ZMYND8: variants seen among roughly 807,000 people sequenced by gnomAD.
ZMYND8 encodes the protein MYND-type zinc finger-containing chromatin reader ZMYND8.
In ZMYND8, 37 loss-of-function variants were observed where a neutral mutation model predicts 140.8. The observed-to-expected ratio is 0.26, with a 90% CI of 0.20 to 0.35. The LOEUF is 0.35. Ranked by LOEUF, ZMYND8 falls within the 10% of genes least tolerant of loss-of-function variation. ZMYND8 has a pLI of 1.00. For missense variants in ZMYND8, 1,068 were observed against 1,570.0 expected (o/e 0.68, Z 5.40); for synonymous variants, 592 against 597.1 (o/e 0.99, Z 0.12).
At chr20:47,265,530 T>C (rs999355212) in intron 11 of ZMYND8, among the ~76,000 whole-genome samples, 1 of 152,234 alleles carries the variant, frequency 6.6e-6, no homozygotes. Flanking sequence ...AACCTCTGCC[T>C]GCCAGGTTCA....
chr20:47,227,323 C>G, intron 17 of ZMYND8, 42 bp from the exon 18 acceptor site: 2 of 1,599,136 alleles, frequency 1.3e-6, no homozygotes, highest in South Asian at 2.2e-5. Context: ...CTGTCTCATG[C>G]AGTTCACCAG....
intron 19 of ZMYND8, among the ~76,000 whole-genome samples, chr20:47,223,000 C>T (rs918859842): frequency 6.6e-6 from 1 of 152,222 alleles, no homozygotes; most frequent in Non-Finnish European, 1.5e-5. Flanking sequence ...AAAATATTCA[C>T]TCTCGCCCTT....
intron 2 of ZMYND8, among the ~76,000 whole-genome samples, chr20:47,346,842 G>A (rs866649374): frequency 6.6e-6 from 1 of 152,152 alleles, no homozygotes; most frequent in South Asian, 2.1e-4. Context: ...GCCTGACCTC[G>A]TGATGGTCCG....
intron 4 of ZMYND8, among the ~76,000 whole-genome samples, chr20:47,296,386 A>G (rs940912398): frequency 4.6e-5 from 7 of 152,160 alleles, no homozygotes; most frequent in Non-Finnish European, 1.0e-4. Context: ...CCCAGGGGCA[A>G]ATCAGCTGGG....
At chr20:47,353,361 GTTTC>G (rs2082955123) in intron 1 of ZMYND8, 1 of 152,196 alleles carries the variant, frequency 6.6e-6, no homozygotes, top group African/African-American at 2.4e-5. Flanking sequence ...GCCCCCAATT[GTTTC>G]TTTCTGACTC....
At chr20:47,274,756 A>G (rs1030080423) in intron 11 of ZMYND8, among the ~76,000 whole-genome samples, 5 of 152,196 alleles carry the variant, frequency 3.3e-5, no homozygotes, top group Admixed American at 1.3e-4. Context: ...ACCAAAAGCC[A>G]CAGGCTCTCT....
At chr20:47,279,658 C>T (rs2076481294) in intron 10 of ZMYND8, among the ~76,000 whole-genome samples, 1 of 152,006 alleles carries the variant, frequency 6.6e-6, no homozygotes, top group Admixed American at 6.6e-5. Context: ...ACTCTCTGAC[C>T]TTAAGTTTTC....
intron 12 of ZMYND8, among the ~76,000 whole-genome samples, chr20:47,260,188 G>A (rs1348785223): frequency 1.3e-5 from 2 of 151,994 alleles, no homozygotes; most frequent in Admixed American, 6.5e-5. Context: ...CCAACCCCAG[G>A]TGTGACAACC....
At chr20:47,260,946 G>A (rs2075109052) in intron 12 of ZMYND8, among the ~76,000 whole-genome samples, 1 of 152,218 alleles carries the variant, frequency 6.6e-6, no homozygotes, top group Non-Finnish European at 1.5e-5. Flanking sequence ...CAGCAGCCGG[G>A]CACAGTGGCT....
intron 3 of ZMYND8, among the ~76,000 whole-genome samples, chr20:47,301,217 T>C (rs1601723467): frequency 6.7e-6 from 1 of 150,282 alleles, no homozygotes; most frequent in African/African-American, 2.5e-5. Context: ...TGCAATGGCG[T>C]GATCTCGGCT....
intron 2 of ZMYND8, among the ~76,000 whole-genome samples, chr20:47,329,525 C>T (rs984363698): frequency 6.6e-6 from 1 of 152,162 alleles, no homozygotes; most frequent in Non-Finnish European, 1.5e-5. Context: ...CAGCCTCATC[C>T]TCCTGAGTAG....
chr20:47,270,240 A>G (rs2075826486), intron 11 of ZMYND8, among the ~76,000 whole-genome samples: 1 of 141,278 alleles, frequency 7.1e-6, no homozygotes, highest in African/African-American at 2.6e-5. Flanking sequence ...CCTGTCTCTT[A>G]AAAAAAAAAA....
chr20:47,317,757 T>C (rs1469869569), intron 2 of ZMYND8, among the ~76,000 whole-genome samples: 1 of 152,124 alleles, frequency 6.6e-6, no homozygotes, highest in African/African-American at 2.4e-5. Context: ...AGAGGCAGGA[T>C]GCCACAGTGG....
In ZMYND8 at chr20:47,238,918, C is replaced by G. The variant is rs770320871; in HGVS notation, c.2505G>C (p.Gln835His). 1 of 1,614,182 alleles carries G rather than the reference C, an allele frequency of 6.2e-7. No individual in the cohort carries two copies. Among genetic ancestry groups the G allele is most frequent in the Non-Finnish European group, 8.5e-7 (1 of 1,180,050 alleles). ...LLPKETAPAV[Q>H]RVVWNSSSKF... Reference sequence around the variant, plus strand: ...TACTTGATGAGTTCCACACGACCCGCTGCACGGCCGGGGCAGTCTCCTTCG... The same window carrying G: ...TACTTGATGAGTTCCACACGACCCGGTGCACGGCCGGGGCAGTCTCCTTCG... The change falls in exon 15 of 23, where the codon CAG becomes CAC. Residue 835 changes from glutamine (Q) to histidine (H), a missense_variant. Physicochemically the swap from Gln to His is conservative, Grantham distance 24. Coordinates refer to ENST00000471951, the MANE Select transcript of ZMYND8 (RefSeq NM_001281775.3).
chr20:47,274,352 T>G (rs571716357), intron 11 of ZMYND8, among the ~76,000 whole-genome samples: 1 of 152,250 alleles, frequency 6.6e-6, no homozygotes, highest in Non-Finnish European at 1.5e-5. Flanking sequence ...GCATTACAAT[T>G]TTCATATTTA....
intron 3 of ZMYND8, among the ~76,000 whole-genome samples, chr20:47,301,519 G>A (rs1347236544): frequency 6.6e-6 from 1 of 151,918 alleles, no homozygotes; most frequent in Non-Finnish European, 1.5e-5. Flanking sequence ...AGCTCTACTT[G>A]GTTTCCAGGG....
chr20:47,221,250 G>T, intron 20 of ZMYND8, 64 bp downstream of exon 20: 1 of 1,582,914 alleles, frequency 6.3e-7, no homozygotes, highest in Non-Finnish European at 8.6e-7. Context: ...GCAGACAGGG[G>T]GTCCTAAGTC....
intron 14 of ZMYND8, among the ~76,000 whole-genome samples, chr20:47,244,123 G>T (rs2040263113): frequency 6.6e-6 from 1 of 152,206 alleles, no homozygotes; most frequent in African/African-American, 2.4e-5. Context: ...AACCACAGCA[G>T]AAAGATTCTC....
intron 19 of ZMYND8, among the ~76,000 whole-genome samples, chr20:47,222,413 G>A (rs558902764): frequency 9.8e-4 from 149 of 152,338 alleles, no homozygotes; most frequent in Non-Finnish European, 1.7e-3. Flanking sequence ...GCGGGCACCT[G>A]TAGTCCCAGC....
Sources: gnomAD v4.1 joint callset for allele counts (sites outside exome capture counted in the v4.1 genomes callset) on GRCh38, gnomAD v4.1.1 for gene constraint, MANE v1.5 for transcripts, NCBI Gene and HGNC (gene_info 2026-07-23, HGNC 2026-07-21) for gene names.